Variants in RPS6KC1 observed in about 807,000 individuals in gnomAD.
RPS6KC1 encodes inactive ribosomal protein S6 kinase delta-1.
Under a neutral mutation model 103.8 loss-of-function variants are expected in RPS6KC1, and 54 were observed. That is an observed-to-expected ratio of 0.52 (90% CI 0.42 to 0.65). RPS6KC1 has a LOEUF of 0.65. RPS6KC1 is among the 30% of genes least tolerant of loss of function. The pLI, the probability that RPS6KC1 is intolerant of heterozygous loss-of-function variation, is 0.00. For synonymous variants in RPS6KC1, 439 were observed against 438.7 expected (o/e 1.00, Z -0.01); for missense variants, 1,151 against 1,253.8 (o/e 0.92, Z 1.24).
At chr1:213,571,618 C>T in the RPS6KC1 span, among the ~76,000 whole-genome samples, 6 of 152,186 alleles carry the variant, frequency 3.9e-5, no homozygotes, top group Admixed American at 1.3e-4. Context: ...CACTTCTCAC[C>T]AGCTCAGTCT....
the RPS6KC1 span, among the ~76,000 whole-genome samples, chr1:213,687,832 T>C: frequency 6.6e-6 from 1 of 152,260 alleles, no homozygotes; most frequent in Non-Finnish European, 1.5e-5. Context: ...GCCTTTTGGC[T>C]GGTTCACACC....
At chr1:213,448,535 G>A in the RPS6KC1 span, among the ~76,000 whole-genome samples, 3 of 152,012 alleles carry the variant, frequency 2.0e-5, no homozygotes, top group East Asian at 1.9e-4. Flanking sequence ...GCGGGTCTTC[G>A]TAACAAGGGC....
At chr1:213,779,379 CTA>C in the RPS6KC1 span, among the ~76,000 whole-genome samples, 1 of 152,212 alleles carries the variant, frequency 6.6e-6, no homozygotes, top group Admixed American at 6.5e-5. Flanking sequence ...ACCCTGCTGC[CTA>C]TCTAACTCCT....
chr1:213,646,698 G>T, the RPS6KC1 span, among the ~76,000 whole-genome samples: 1 of 151,974 alleles, frequency 6.6e-6, no homozygotes, highest in East Asian at 1.9e-4. Flanking sequence ...GGAACAAGAG[G>T]GAGGAAACGG....
rs2095086312 is a variant in RPS6KC1 at position 213,273,426 on chromosome 1, C to T, written c.*792C>T. On this transcript the variant is annotated 3_prime_UTR_variant, in exon 15 of 15. Coordinates refer to ENST00000366960, the MANE Select transcript of RPS6KC1 (RefSeq NM_012424.6). ...GTGCTTATTTCCCTTTGTGTAAGGA[C>T]TAAGAAATCATGATATCAAATAAAC... 1 of 152,604 alleles carries T rather than the reference C, an allele frequency of 6.6e-6. No homozygotes were observed. The highest frequency in any genetic ancestry group is 2.1e-4 in the South Asian group (1 of 4,830). The allele number at this position is 152,604 out of a possible 1,614,324, so 9.5% of individuals were successfully genotyped here.
the RPS6KC1 span, among the ~76,000 whole-genome samples, chr1:213,608,041 CACATGCAGG>C: frequency 6.6e-6 from 1 of 152,200 alleles, no homozygotes; most frequent in Non-Finnish European, 1.5e-5. Context: ...ATTCAGAAGT[CACATGCAGG>C]ACATGTTGCC....
chr1:213,714,176 A>G, the RPS6KC1 span, among the ~76,000 whole-genome samples: 1 of 152,238 alleles, frequency 6.6e-6, no homozygotes, highest in African/African-American at 2.4e-5. Flanking sequence ...CCAGAAAAAT[A>G]GATATTGTAG....
the RPS6KC1 span, among the ~76,000 whole-genome samples, chr1:213,625,995 G>A: frequency 1.3e-5 from 2 of 152,158 alleles, no homozygotes; most frequent in Non-Finnish European, 2.9e-5. Flanking sequence ...GATCCCTAAG[G>A]AATCGCCACA....
chr1:213,389,446 C>T, the RPS6KC1 span, among the ~76,000 whole-genome samples: 8 of 152,234 alleles, frequency 5.3e-5, no homozygotes, highest in South Asian at 2.1e-4. Flanking sequence ...GTGGAGTCTG[C>T]GGGCTTGCGG....
chr1:213,722,777 C>A, the RPS6KC1 span, among the ~76,000 whole-genome samples: 1 of 152,082 alleles, frequency 6.6e-6, no homozygotes. Flanking sequence ...CAGAGGAGTC[C>A]GACTGTGGAC....
the RPS6KC1 span, among the ~76,000 whole-genome samples, chr1:213,664,429 T>A: frequency 6.6e-6 from 1 of 152,174 alleles, no homozygotes; most frequent in Admixed American, 6.5e-5. Flanking sequence ...CTGGACTTTT[T>A]AAAATGGCAG....
the RPS6KC1 span, among the ~76,000 whole-genome samples, chr1:213,462,865 C>T: frequency 1.7e-4 from 26 of 152,124 alleles, no homozygotes; most frequent in African/African-American, 6.0e-4. Context: ...CAAACCTGCA[C>T]GTTTGGCACA....
chr1:213,326,534 A>G, the RPS6KC1 span, among the ~76,000 whole-genome samples: 1 of 152,198 alleles, frequency 6.6e-6, no homozygotes, highest in South Asian at 2.1e-4. Flanking sequence ...ACACTAATGT[A>G]TTATAGGTCA....
chr1:213,191,728 G>A (rs1404934506), intron 8 of RPS6KC1, among the ~76,000 whole-genome samples: 1 of 152,006 alleles, frequency 6.6e-6, no homozygotes, highest in Non-Finnish European at 1.5e-5. Flanking sequence ...GATCTTAGAG[G>A]AAAGGCTTTC....
chr1:213,461,994 T>C, the RPS6KC1 span, among the ~76,000 whole-genome samples: 580 of 152,190 alleles, frequency 3.8e-3, 8 homozygotes, highest in African/African-American at 0.013. Context: ...ACCTACAGAA[T>C]GGGAGAAAAA....
At chr1:213,784,556 G>A in the RPS6KC1 span, among the ~76,000 whole-genome samples, 2 of 152,178 alleles carry the variant, frequency 1.3e-5, no homozygotes, top group Admixed American at 6.5e-5. Context: ...AACCCTTACA[G>A]ATGAGGTTTC....
chr1:213,242,698 GT>G (rs1558619482), intron 12 of RPS6KC1, 40 bp downstream of exon 12: 2 of 1,398,344 alleles, frequency 1.4e-6, no homozygotes, highest in Non-Finnish European at 2.0e-6. Context: ...TGAAAAAGTG[GT>G]TCGGCAGCTC....
At chr1:213,755,357 A>G in the RPS6KC1 span, among the ~76,000 whole-genome samples, 15 of 152,248 alleles carry the variant, frequency 9.9e-5, no homozygotes, top group South Asian at 2.1e-4. Context: ...CGAGAGTCCA[A>G]TGGAGAAGGA....
chr1:213,339,375 T>G, the RPS6KC1 span, among the ~76,000 whole-genome samples: 1 of 152,350 alleles, frequency 6.6e-6, no homozygotes, highest in East Asian at 1.9e-4. Flanking sequence ...ATGGGAGTGA[T>G]GCTCGTTAAG....
Sources: allele counts gnomAD v4.1 joint callset (sites outside exome capture counted in the v4.1 genomes callset), GRCh38; gene constraint gnomAD v4.1.1; transcripts MANE v1.5; gene names NCBI Gene and HGNC (gene_info 2026-07-23, HGNC 2026-07-21).